TXNDC8: variants seen among roughly 807,000 people sequenced by gnomAD.
The protein encoded by TXNDC8 is thioredoxin domain containing 8.
TXNDC8 carries 15 observed loss-of-function variants against 12.9 expected under a neutral mutation model. That is an observed-to-expected ratio of 1.16 (90% CI 0.78 to 1.79). The LOEUF is 1.79. Among genes scored for constraint, TXNDC8 ranks in the 40% most tolerant of loss-of-function variants. The pLI is 0.00. For synonymous variants in TXNDC8, 40 were observed against 35.4 expected, an observed-to-expected ratio of 1.13 and a Z score of -0.46; for missense variants, 128 against 113.2, an observed-to-expected ratio of 1.13 and a Z score of -0.59.
At chr9:110,315,590 T>C (rs80281367) in intron 3 of TXNDC8, among the ~76,000 whole-genome samples, 4,701 of 152,260 alleles carry the variant, frequency 0.031, 227 homozygotes, top group African/African-American at 0.11. Flanking sequence ...CTTGGCCAGT[T>C]GATATGCAAT....
intron 4 of TXNDC8, 31 bp downstream of exon 5, chr9:110,304,436 T>G (rs1438646558): frequency 3.8e-6 from 6 of 1,583,404 alleles, no homozygotes; most frequent in Middle Eastern, 1.7e-4. Flanking sequence ...ACCCCAGATT[T>G]CTAACTCTAA....
At chr9:110,330,409 C>T (rs968390041) in intron 2 of TXNDC8, among the ~76,000 whole-genome samples, 1 of 152,154 alleles carries the variant, frequency 6.6e-6, no homozygotes, top group African/African-American at 2.4e-5. Context: ...TTGGACTCTC[C>T]ACAGCAGTTT....
chr9:110,332,981 C>T (rs1235749922), intron 2 of TXNDC8, among the ~76,000 whole-genome samples: 1 of 152,086 alleles, frequency 6.6e-6, no homozygotes, highest in African/African-American at 2.4e-5. Context: ...AGTGAGTCAC[C>T]ATAGAATAAA....
intron 3 of TXNDC8, among the ~76,000 whole-genome samples, chr9:110,305,852 TTTCTTTTTCTTTTC>T (rs1471340950): frequency 7.4e-6 from 1 of 135,062 alleles, no homozygotes; most frequent in Non-Finnish European, 1.6e-5. Flanking sequence ...TTTTCTTTTC[TTTCTTTTTCTTTTC>T]TTTTCTTTTC....
intron 3 of TXNDC8, chr9:110,323,409 G>T: frequency 1.1e-6 from 1 of 876,590 alleles, no homozygotes. Flanking sequence ...GTGCTTCTGT[G>T]TAGCTAAGGA....
At chr9:110,317,122 C>T (rs79281297) in intron 3 of TXNDC8, among the ~76,000 whole-genome samples, 2 of 152,254 alleles carry the variant, frequency 1.3e-5, no homozygotes, top group South Asian at 2.1e-4. Flanking sequence ...CATCTAATGT[C>T]GTGGGAATTC....
At chr9:110,324,052 A>C in intron 3 of TXNDC8, 2 of 1,538,382 alleles carry the variant, frequency 1.3e-6, no homozygotes, top group South Asian at 2.4e-5. Flanking sequence ...TCCTTGGAGG[A>C]AAATCAGAGT....
At chr9:110,334,595 C>T (rs1839676861) in intron 1 of TXNDC8, among the ~76,000 whole-genome samples, 1 of 152,126 alleles carries the variant, frequency 6.6e-6, no homozygotes. Context: ...TGTTCTCTAG[C>T]TGACCCCACC....
intron 3 of TXNDC8, among the ~76,000 whole-genome samples, chr9:110,305,229 T>C (rs542432611): frequency 2.6e-5 from 4 of 151,688 alleles, no homozygotes; most frequent in African/African-American, 9.7e-5. Context: ...AAAAGAAAGA[T>C]GGAATTCTAC....
intron 3 of TXNDC8, among the ~76,000 whole-genome samples, chr9:110,313,170 T>G (rs1452989632): frequency 6.6e-6 from 1 of 152,124 alleles, no homozygotes; most frequent in Non-Finnish European, 1.5e-5. Context: ...CCTCCCAAAG[T>G]GCTGGGATTA....
intron 1 of TXNDC8, among the ~76,000 whole-genome samples, chr9:110,336,882 G>A (rs982375981): frequency 1.3e-5 from 2 of 152,154 alleles, no homozygotes; most frequent in Non-Finnish European, 2.9e-5. Flanking sequence ...GGAGATCAGG[G>A]CCTCTGGAAA....
intron 2 of TXNDC8, among the ~76,000 whole-genome samples, chr9:110,326,502 G>A (rs1839323207): frequency 6.6e-6 from 1 of 152,148 alleles, no homozygotes; most frequent in African/African-American, 2.4e-5. Flanking sequence ...AAGAGATGGA[G>A]GCCACAACAG....
chr9:110,327,811 G>A (rs1839393902), intron 2 of TXNDC8, among the ~76,000 whole-genome samples: 1 of 152,170 alleles, frequency 6.6e-6, no homozygotes, highest in African/African-American at 2.4e-5. Context: ...GGAATTGGGT[G>A]TAACTACTAA....
intron 3 of TXNDC8, among the ~76,000 whole-genome samples, chr9:110,318,324 T>A (rs1838959440): frequency 6.6e-6 from 1 of 152,246 alleles, no homozygotes; most frequent in Admixed American, 6.5e-5. Flanking sequence ...ATCTTAGTTA[T>A]GAATATAACT....
chr9:110,308,741 C>T (rs1020534240), intron 3 of TXNDC8, among the ~76,000 whole-genome samples: 2 of 152,150 alleles, frequency 1.3e-5, no homozygotes, highest in African/African-American at 2.4e-5. Flanking sequence ...ACCTGCAGTA[C>T]CAAAAAAATC....
At chr9:110,316,930 G>T (rs537066449) in intron 3 of TXNDC8, among the ~76,000 whole-genome samples, 2 of 152,298 alleles carry the variant, frequency 1.3e-5, no homozygotes, top group South Asian at 2.1e-4. Flanking sequence ...AAACAAATGG[G>T]CATGGCTGTG....
chr9:110,331,686 C>T (rs1322772598), intron 2 of TXNDC8, among the ~76,000 whole-genome samples: 3 of 152,304 alleles, frequency 2.0e-5, no homozygotes, highest in African/African-American at 7.2e-5. Flanking sequence ...AACTGTTCCA[C>T]CTCAGATCAT....
intron 3 of TXNDC8, 91 bp from the exon 5 acceptor site, chr9:110,304,623 G>A: frequency 1.7e-6 from 2 of 1,195,690 alleles, no homozygotes; most frequent in East Asian, 2.5e-5. Flanking sequence ...CTTGGCCAGG[G>A]AAGGAAGGTG....
chr9:110,314,429 TTCTTTTTTC>T (rs772220144), intron 3 of TXNDC8, among the ~76,000 whole-genome samples: 6,977 of 142,050 alleles, frequency 0.049, 200 homozygotes, highest in Middle Eastern at 0.067. Flanking sequence ...CTTTTTCTTT[TTCTTTTTTC>T]TTTTTTTTTT....
Sources: allele counts gnomAD v4.1 joint callset (sites outside exome capture counted in the v4.1 genomes callset), GRCh38; gene constraint gnomAD v4.1.1; transcripts MANE v1.5; gene names NCBI Gene and HGNC (gene_info 2026-07-23, HGNC 2026-07-21).